SLC35F4: variants seen among roughly 807,000 people sequenced by gnomAD.
SLC35F4 encodes the protein solute carrier family 35 member F4.
In SLC35F4, 24 loss-of-function variants were observed where a neutral mutation model predicts 44.2. The observed-to-expected ratio is 0.54, with a 90% CI of 0.39 to 0.76. The LOEUF (loss-of-function observed/expected upper bound fraction) is 0.76, where lower values mean the gene tolerates loss of function less well. Among genes scored for constraint, SLC35F4 ranks in the 30% least tolerant of loss-of-function variants. The probability of loss-of-function intolerance (pLI) is 0.00; values close to 1 mark genes in which losing one functional copy is unlikely to be tolerated. For synonymous variants in SLC35F4, 238 were observed against 223.6 expected (o/e 1.06, Z -0.57); for missense variants, 562 against 586.1 (o/e 0.96, Z 0.42).
chr14:57,854,417 T>C (rs929517127), intron 1 of SLC35F4, among the ~76,000 whole-genome samples: 2 of 152,218 alleles, frequency 1.3e-5, no homozygotes, highest in Non-Finnish European at 2.9e-5. Flanking sequence ...AAATAGGCTG[T>C]CTGTTACATT....
chr14:57,660,868 G>A (rs900105506), intron 1 of SLC35F4, among the ~76,000 whole-genome samples: 6 of 152,048 alleles, frequency 3.9e-5, no homozygotes, highest in Non-Finnish European at 7.3e-5. Flanking sequence ...CCTCAGTGAA[G>A]CTTACTCCCA....
intron 1 of SLC35F4, among the ~76,000 whole-genome samples, chr14:57,689,195 C>A (rs1345323415): frequency 6.6e-6 from 1 of 152,108 alleles, no homozygotes; most frequent in African/African-American, 2.4e-5. Flanking sequence ...ATATTGTTGA[C>A]CTCAGTTAAC....
intron 1 of SLC35F4, among the ~76,000 whole-genome samples, chr14:57,728,999 A>C (rs2076282320): frequency 6.6e-6 from 1 of 152,130 alleles, no homozygotes; most frequent in Non-Finnish European, 1.5e-5. Context: ...CTGGCCTATA[A>C]GGTTTCCACT....
chr14:57,670,338 T>C (rs1008565541), intron 1 of SLC35F4, among the ~76,000 whole-genome samples: 2 of 152,164 alleles, frequency 1.3e-5, no homozygotes, highest in Non-Finnish European at 2.9e-5. Flanking sequence ...CCTTCAGTTG[T>C]GCTCAGATCT....
chr14:57,777,813 C>T (rs72713026), intron 1 of SLC35F4, among the ~76,000 whole-genome samples: 40,010 of 151,682 alleles, frequency 0.26, 5,758 homozygotes, highest in Admixed American at 0.38. Context: ...AGTGGCAAGC[C>T]GGATAAAGAA....
intron 1 of SLC35F4, among the ~76,000 whole-genome samples, chr14:57,621,805 A>G (rs1277148373): frequency 1.3e-5 from 2 of 148,730 alleles, no homozygotes; most frequent in African/African-American, 4.9e-5. Context: ...ACAAAAGACA[A>G]AATTGACAAA....
chr14:57,581,208 C>G lies in SLC35F4; in HGVS notation c.807+6G>C. On this transcript the variant is annotated splice_donor_region_variant and intron_variant, in intron 4 of 7. Coordinates refer to ENST00000556826, the MANE Select transcript of SLC35F4 (RefSeq NM_001306087.2). ...GCATCGCGCATTGAATCAAGTATGCCATTACCCTCACTCCCATGAACCTGT... is the reference window on the plus strand; with the variant it reads ...GCATCGCGCATTGAATCAAGTATGCGATTACCCTCACTCCCATGAACCTGT... 1 of 1,540,826 alleles carries G rather than the reference C, an allele frequency of 6.5e-7. No homozygotes were observed. Among genetic ancestry groups the G allele is most frequent in the South Asian group, 1.3e-5 (1 of 77,608 alleles).
chr14:57,958,133 C>G (rs188039276), intron 1 of SLC35F4, among the ~76,000 whole-genome samples: 335 of 152,110 alleles, frequency 2.2e-3, no homozygotes, highest in Non-Finnish European at 3.9e-3. Flanking sequence ...TCTCAGCTCA[C>G]CGCAAGCTCT....
At chr14:57,782,814 C>A (rs2347361) in intron 1 of SLC35F4, among the ~76,000 whole-genome samples, 1 of 152,152 alleles carries the variant, frequency 6.6e-6, no homozygotes, top group Non-Finnish European at 1.5e-5. Context: ...CCATTAGAAC[C>A]ATATAAAGTG....
chr14:57,765,080 C>T (rs992237976), intron 1 of SLC35F4, among the ~76,000 whole-genome samples: 4 of 152,168 alleles, frequency 2.6e-5, no homozygotes, highest in Non-Finnish European at 5.9e-5. Flanking sequence ...TGTCCCCGAA[C>T]TCAGGAAGTA....
intron 1 of SLC35F4, among the ~76,000 whole-genome samples, chr14:57,795,789 CTTTT>C (rs910215570): frequency 2.0e-5 from 3 of 151,950 alleles, no homozygotes; most frequent in African/African-American, 7.2e-5. Flanking sequence ...ACATCTTTCA[CTTTT>C]TTTTCCTTCC....
chr14:57,593,838 G>A (rs2070335375), intron 2 of SLC35F4, 101 bp downstream of exon 2: 2 of 1,297,316 alleles, frequency 1.5e-6, no homozygotes, highest in Non-Finnish European at 1.1e-6. Context: ...GTACTCATAA[G>A]AGTCCGTGTA....
At position 57,709,035 on chromosome 14, in the gene SLC35F4, G is replaced by A. The variant is rs371242877; in HGVS notation, c.104-114911C>T. 1.5e-3 allele frequency among the ~76,000 whole-genome samples: 222 copies of A among 152,296 alleles called. 1 individual carries two copies. The highest frequency in any genetic ancestry group is 0.014 in the Middle Eastern group (4 of 294). On this transcript the variant is annotated intron_variant, in intron 1 of 7. Transcript: ENST00000556826. ...GGTGTATAGGATGGAACATGAAAGC[G>A]GACTAGGAGCGTGACCACTGAAGCA...
At chr14:57,726,900 C>T (rs1334023861) in intron 1 of SLC35F4, among the ~76,000 whole-genome samples, 5 of 152,116 alleles carry the variant, frequency 3.3e-5, no homozygotes, top group Non-Finnish European at 7.4e-5. Context: ...GCTGCCAGCA[C>T]AGCTAGAATA....
intron 1 of SLC35F4, among the ~76,000 whole-genome samples, chr14:57,719,444 AT>A (rs1247845586): frequency 6.6e-6 from 1 of 152,144 alleles, no homozygotes; most frequent in Non-Finnish European, 1.5e-5. Flanking sequence ...GATTCTTTCA[AT>A]CCATGAACAT....
intron 4 of SLC35F4, among the ~76,000 whole-genome samples, chr14:57,575,990 T>A (rs949219432): frequency 1.3e-5 from 2 of 151,992 alleles, no homozygotes; most frequent in Non-Finnish European, 2.9e-5. Flanking sequence ...CTTGTATCTT[T>A]TTTTTTTCTT....
chr14:57,849,609 T>A (rs543342650), intron 1 of SLC35F4, among the ~76,000 whole-genome samples: 1 of 152,290 alleles, frequency 6.6e-6, no homozygotes, highest in East Asian at 1.9e-4. Context: ...GCTATATTTT[T>A]AAGAGAAATA....
chr14:57,949,161 T>C (rs1890089103), intron 1 of SLC35F4, among the ~76,000 whole-genome samples: 1 of 152,182 alleles, frequency 6.6e-6, no homozygotes, highest in Non-Finnish European at 1.5e-5. Flanking sequence ...TTACCATCTA[T>C]CTCATTTCTT....
intron 1 of SLC35F4, among the ~76,000 whole-genome samples, chr14:57,822,036 T>C (rs1424059680): frequency 6.6e-6 from 1 of 152,186 alleles, no homozygotes; most frequent in African/African-American, 2.4e-5. Context: ...TCCCTTGCCC[T>C]ACTACTGGCC....
Sources: allele counts gnomAD v4.1 joint callset (sites outside exome capture counted in the v4.1 genomes callset), GRCh38; gene constraint gnomAD v4.1.1; transcripts MANE v1.5; gene names NCBI Gene and HGNC (gene_info 2026-07-23, HGNC 2026-07-21).